The following POC1B variants were observed in gnomAD, a reference collection of about 807,000 sequenced individuals.
POC1B encodes POC1 centriolar protein homolog B.
In POC1B, 44 loss-of-function variants were observed where a neutral mutation model predicts 60.6. That is an observed-to-expected ratio of 0.73 (90% CI 0.57 to 0.93). The LOEUF (loss-of-function observed/expected upper bound fraction) is 0.93. POC1B is among the 40% of genes least tolerant of loss of function. POC1B has a pLI of 0.00. For synonymous variants in POC1B, 180 were observed against 198.9 expected (o/e 0.90, Z 0.80); for missense variants, 555 against 572.3 (o/e 0.97, Z 0.31).
chr12:89,445,243 T>C (rs191155104), intron 10 of POC1B, among the ~76,000 whole-genome samples: 2 of 152,246 alleles, frequency 1.3e-5, no homozygotes, highest in Admixed American at 6.5e-5. Context: ...CTTCACAGAA[T>C]TGGAAGAAAA....
chr12:89,525,345 A>G, intron 1 of POC1B, 141 bp from the exon 2 acceptor site: 1 of 1,435,992 alleles, frequency 7.0e-7, no homozygotes, highest in Admixed American at 2.9e-5. Context: ...GGGGCCGGGC[A>G]GCAGCCCACC....
At chr12:89,401,831 G>A in the POC1B span, among the ~76,000 whole-genome samples, 3 of 152,208 alleles carry the variant, frequency 2.0e-5, no homozygotes, top group Admixed American at 1.3e-4. Context: ...ACTTTGCATG[G>A]GTCAGCCATG....
chr12:89,433,291 TAGAA>T (rs1844559988), intron 10 of POC1B, among the ~76,000 whole-genome samples: 3 of 152,180 alleles, frequency 2.0e-5, no homozygotes, highest in East Asian at 1.9e-4. Context: ...TGTGTGCTGA[TAGAA>T]AGAGCAAGCA....
At chr12:89,478,054 T>G (rs1249228640) in intron 4 of POC1B, among the ~76,000 whole-genome samples, 1 of 152,168 alleles carries the variant, frequency 6.6e-6, no homozygotes, top group Middle Eastern at 3.2e-3. Flanking sequence ...CCCCAAGATG[T>G]GTTCTTGGAG....
chr12:89,514,402 C>CTTTCTT (rs1555186453), intron 2 of POC1B, among the ~76,000 whole-genome samples: 1 of 67,088 alleles, frequency 1.5e-5, no homozygotes, highest in Non-Finnish European at 2.6e-5. Flanking sequence ...TCATGTATTT[C>CTTTCTT]TTTTTTTTTT....
intron 2 of POC1B, chr12:89,502,427 C>T (rs944858430): frequency 9.5e-6 from 13 of 1,363,672 alleles, no homozygotes; most frequent in Middle Eastern, 1.8e-4. Flanking sequence ...GGAATACTAT[C>T]TCCAGGCAAA....
intron 4 of POC1B, among the ~76,000 whole-genome samples, chr12:89,477,561 T>A: frequency 6.6e-6 from 1 of 152,106 alleles, no homozygotes; most frequent in Non-Finnish European, 1.5e-5. Flanking sequence ...TTCAGTGTTT[T>A]CTTTCTTAGT....
chr12:89,497,156 C>T lies in POC1B; in HGVS notation c.272+15G>A, dbSNP rs759560613. On this transcript the variant is annotated intron_variant, in intron 3 of 11. Coordinates refer to ENST00000313546, the MANE Select transcript of POC1B (RefSeq NM_172240.3). ...CAAATCCAAAGGATATCAAGTGTTT[C>T]TTTGTTTCTCTTACTTATCAGGAAT... The T allele has an allele frequency of 5.0e-6, 8 of 1,608,458 alleles. No homozygotes were observed. In the East Asian group the frequency reaches 1.6e-4, roughly 31 times the overall value.
chr12:89,434,601 A>G (rs915414947), intron 10 of POC1B, among the ~76,000 whole-genome samples: 3 of 152,338 alleles, frequency 2.0e-5, no homozygotes, highest in Admixed American at 1.3e-4. Flanking sequence ...ACTGCACCAG[A>G]TGGATCTTAA....
chr12:89,416,266 TGAAG>T (rs1362576637), downstream of POC1B, among the ~76,000 whole-genome samples: 1 of 152,082 alleles, frequency 6.6e-6, no homozygotes, highest in Non-Finnish European at 1.5e-5. Flanking sequence ...AGAAAAAGAA[TGAAG>T]GGATACGCAA....
In POC1B at chr12:89,430,627, G is replaced by A. The variant is rs569552453; in HGVS notation, c.1114-5248C>T. 1.4e-4 allele frequency among the ~76,000 whole-genome samples: 22 copies of A among 152,104 alleles called. 1 individual carries two copies. In the South Asian group the frequency reaches 4.2e-3, roughly 29 times the overall value. ...TCCACCACCCACCCTCTGGGCTGGC[G>A]AGTCAGAATTAATCACTAGTGCCAT... On this transcript the variant is annotated intron_variant, in intron 10 of 11. Coordinates refer to ENST00000313546, the MANE Select transcript of POC1B (RefSeq NM_172240.3).
chr12:89,460,029 GA>G, intron 9 of POC1B: 3 of 400,322 alleles, frequency 7.5e-6, no homozygotes, highest in Admixed American at 3.0e-5. Flanking sequence ...AAAAGATGAA[GA>G]AAAAAATCCT....
chr12:89,475,348 T>C (rs1270763948), intron 4 of POC1B, among the ~76,000 whole-genome samples: 4 of 152,174 alleles, frequency 2.6e-5, no homozygotes, highest in African/African-American at 9.7e-5. Context: ...AAGAACCTGG[T>C]GCCAGAAGGA....
chr12:89,503,707 G>A (rs1282396868), intron 2 of POC1B, among the ~76,000 whole-genome samples: 1 of 152,140 alleles, frequency 6.6e-6, no homozygotes, highest in Non-Finnish European at 1.5e-5. Context: ...TCTGGGAGGT[G>A]AGGAGCGTCT....
chr12:89,513,786 G>T (rs1196640166), intron 2 of POC1B, among the ~76,000 whole-genome samples: 2 of 152,164 alleles, frequency 1.3e-5, no homozygotes, highest in Admixed American at 6.5e-5. Flanking sequence ...GCTCCAGTGA[G>T]ATCAGCAGCG....
At chr12:89,416,048 C>A (rs1880358349), downstream of POC1B, among the ~76,000 whole-genome samples, 1 of 152,162 alleles carries the variant, frequency 6.6e-6, no homozygotes. Context: ...AGAAACACTT[C>A]AATAAATGAA....
chr12:89,447,444 A>G (rs1881836444), intron 10 of POC1B, among the ~76,000 whole-genome samples: 1 of 152,196 alleles, frequency 6.6e-6, no homozygotes, highest in Admixed American at 6.5e-5. Context: ...ACGGAACTGT[A>G]CAAAAAGTAC....
the POC1B span, among the ~76,000 whole-genome samples, chr12:89,413,045 C>T: frequency 1.3e-5 from 2 of 151,776 alleles, no homozygotes; most frequent in East Asian, 1.9e-4. Context: ...ATTACAGGCA[C>T]CCGCCACTAT....
intron 10 of POC1B, among the ~76,000 whole-genome samples, chr12:89,441,100 T>TA (rs1197885284): frequency 6.6e-6 from 1 of 152,166 alleles, no homozygotes; most frequent in African/African-American, 2.4e-5. Flanking sequence ...CTTGAGTAGA[T>TA]AAACAAAGTT....
Sources: gnomAD v4.1 joint callset for allele counts (sites outside exome capture counted in the v4.1 genomes callset) on GRCh38, gnomAD v4.1.1 for gene constraint, MANE v1.5 for transcripts, NCBI Gene and HGNC (gene_info 2026-07-23, HGNC 2026-07-21) for gene names.